Variants in ZNF711 observed in about 807,000 individuals in gnomAD.
ZNF711 encodes ZFX family zinc finger ZNF711, also known as zinc finger protein 711.
In ZNF711, 3 loss-of-function variants were observed where a neutral mutation model predicts 43.5. The ratio of observed to expected loss-of-function variants is 0.07; its 90% CI spans 0.03 to 0.18. The LOEUF (loss-of-function observed/expected upper bound fraction) is 0.18, where lower values mean the gene tolerates loss of function less well. Among genes scored for constraint, ZNF711 ranks in the 10% least tolerant of loss-of-function variants. ZNF711 has a pLI of 1.00. For missense variants in ZNF711, 412 were observed against 604.0 expected, an observed-to-expected ratio of 0.68 and a Z score of 3.33; for synonymous variants, 209 against 207.7, an observed-to-expected ratio of 1.01 and a Z score of -0.06.
At position 85,270,784 on chromosome X, in the gene ZNF711, T is replaced by C; in HGVS notation, c.1380T>C (p.Tyr460=). ...NHPDHLMRKK[Y]QCTDCDFTTN... The stretch of plus-strand genomic sequence containing the variant: ...CTGATCATTTAATGAGAAAAAAATA[T>C]CAGTGTACAGATTGTGACTTTACAA... Residue 460 remains tyrosine, a synonymous_variant, in exon 11 of 11, where the codon TAT becomes TAC. Transcript: ENST00000674551. 2 of 1,203,649 alleles carry C rather than the reference T, an allele frequency of 1.7e-6. No individual in the cohort carries two copies. Among genetic ancestry groups the C allele is most frequent in the East Asian group, 3.0e-5 (1 of 33,439 alleles).
At position 85,271,614 on chromosome X, in the gene ZNF711, TA is replaced by T. The variant is rs1264060719; in HGVS notation, c.2217del (p.Lys739AsnfsTer3). The T allele has an allele frequency of 8.3e-7, 1 of 1,209,973 alleles. No individual in the cohort carries two copies. On this transcript the variant is annotated frameshift_variant, in exon 11 of 11. Coordinates refer to ENST00000674551, the MANE Select transcript of ZNF711 (RefSeq NM_001330574.2). LOFTEE classifies it high-confidence loss of function. The part of the protein sequence containing the change: ...CKRGFRQQNE[L>X]KKHMKTHTGR... The stretch of plus-strand genomic sequence containing the variant: ...AGAGGATTCAGACAACAAAATGAGC[TA>T]AAAAAACATATGAAGACCCATACTG...
intron 7 of ZNF711, among the ~76,000 whole-genome samples, chrX:85,266,338 A>G (rs1206760516): frequency 9.0e-6 from 1 of 111,501 alleles, no homozygotes; most frequent in Non-Finnish European, 1.9e-5. Flanking sequence ...TGATCTCTAA[A>G]TTCTTTATTT....
At chrX:85,270,465 G>A (rs1931487665) in intron 10 of ZNF711, among the ~76,000 whole-genome samples, 186 bp from the exon 11 acceptor site, 1 of 110,964 alleles carries the variant, frequency 9.0e-6, no homozygotes, top group Non-Finnish European at 1.9e-5. Flanking sequence ...GTAGAGTGCT[G>A]CTCATTACTT....
At chrX:85,260,418 A>G (rs1257248865) in intron 5 of ZNF711, among the ~76,000 whole-genome samples, 2 of 111,176 alleles carry the variant, frequency 1.8e-5, no homozygotes, top group Non-Finnish European at 3.8e-5. Flanking sequence ...AAAAGTTAAC[A>G]CCTTTATAAT....
chrX:85,247,533 C>T lies in ZNF711; in HGVS notation c.-26-14C>T. 9.1e-7 allele frequency: 1 copy of T among 1,102,063 alleles called. No homozygotes were observed. Among genetic ancestry groups the T allele is most frequent in the South Asian group, 1.9e-5 (1 of 51,312 alleles). The allele number at this position is 1,102,063 out of a possible 1,213,427, so 90.8% of individuals were successfully genotyped here. A position where few individuals can be genotyped will look rare whatever the true frequency, so the allele number is the denominator to read the frequency against. ...AAATATATTAAACTATTTTAAAAGC[C>T]ATTTCTTTTGCAGATATTGGTGAAT... On this transcript the variant is annotated splice_polypyrimidine_tract_variant and intron_variant, in intron 3 of 10. Transcript: ENST00000674551.
chrX:85,248,161 CTTTTT>C (rs35501637), intron 4 of ZNF711, among the ~76,000 whole-genome samples: 1,022 of 97,514 alleles, frequency 0.01, 8 homozygotes, highest in African/African-American at 0.033. Flanking sequence ...TTTTCTTTCT[CTTTTT>C]TTTTTTTAAA....
chrX:85,253,850 G>A (rs1161708418), intron 4 of ZNF711, among the ~76,000 whole-genome samples: 1 of 109,087 alleles, frequency 9.2e-6, no homozygotes, highest in Non-Finnish European at 1.9e-5. Flanking sequence ...TAGTTTTATT[G>A]TTTTGAGATA....
chrX:85,258,862 G>C (rs1202437611), intron 5 of ZNF711, among the ~76,000 whole-genome samples: 11 of 110,958 alleles, frequency 9.9e-5, no homozygotes, highest in Non-Finnish European at 2.1e-4. Context: ...TAGGTTGTCT[G>C]TTTACTCCGT....
chrX:85,269,612 A>G (rs1461668370), intron 9 of ZNF711, among the ~76,000 whole-genome samples: 1 of 110,601 alleles, frequency 9.0e-6, no homozygotes, highest in Non-Finnish European at 1.9e-5. Context: ...CCTGACCTCA[A>G]GCAGTCCTGC....
rs1930969828 is a variant in ZNF711, at chrX:85,264,906, G to T, written c.779-212G>T. Among the ~76,000 whole-genome samples the T allele has an allele frequency of 3.6e-5, 4 of 111,008 alleles. No homozygotes were observed. In the Admixed American group the frequency reaches 3.8e-4, roughly 11 times the overall value. ...GTATAAAAGACTTATATACTGCTTG[G>T]CATATAAGCTTGATGTAAGGATTAA... On this transcript the variant is annotated intron_variant, in intron 6 of 10. Transcript: ENST00000674551.
chrX:85,271,153 T>C lies in ZNF711; in HGVS notation c.1749T>C (p.Tyr583=), dbSNP rs1328333328. ...HTGEKPYQCQ[Y]CIFRCADQSN... ...GTGAGAAGCCATATCAGTGTCAGTA[T>C]TGTATTTTCAGGTGTGCAGATCAAT... is the stretch of plus-strand genomic sequence containing the variant. The change falls in exon 11 of 11, where the codon TAT becomes TAC. Residue 583 remains tyrosine (Y), a synonymous_variant. Coordinates refer to ENST00000674551, the MANE Select transcript of ZNF711 (RefSeq NM_001330574.2). The C allele has an allele frequency of 1.7e-6, 2 of 1,210,532 alleles. No individual in the cohort carries two copies. The highest frequency in any genetic ancestry group is 2.2e-6 in the Non-Finnish European group (2 of 894,979).
At chrX:85,254,340 C>G (rs1320781809) in intron 4 of ZNF711, among the ~76,000 whole-genome samples, 1,771 of 73,618 alleles carry the variant, frequency 0.024, 45 homozygotes, top group African/African-American at 0.055. Flanking sequence ...CGCGGTGGCT[C>G]ACGCCTGTAA....
At chrX:85,253,796 C>CACACAG (rs1555969905) in intron 4 of ZNF711, among the ~76,000 whole-genome samples, 97 of 109,866 alleles carry the variant, frequency 8.8e-4, no homozygotes, top group African/African-American at 3.2e-3. Flanking sequence ...CACACACACA[C>CACACAG]ACACAGACAC....
At chrX:85,264,199 G>A (rs1026557263) in intron 5 of ZNF711, 76 bp from the exon 6 acceptor site, 17 of 841,543 alleles carry the variant, frequency 2.0e-5, no homozygotes, top group Middle Eastern at 3.7e-4. Context: ...CCACTAAATA[G>A]TGGTAATTTT....
At chrX:85,261,956 G>T (rs1055872872) in intron 5 of ZNF711, among the ~76,000 whole-genome samples, 1 of 110,560 alleles carries the variant, frequency 9.0e-6, no homozygotes, top group South Asian at 3.7e-4. Context: ...TGTTAATTTC[G>T]TACTTTCCAT....
chrX:85,270,580 T>A (rs914496887), intron 10 of ZNF711, 71 bp from the exon 11 acceptor site: 1 of 935,998 alleles, frequency 1.1e-6, no homozygotes, highest in Non-Finnish European at 1.5e-6. Context: ...CAACTAGTTT[T>A]GGCACCTTTG....
chrX:85,248,207 T>A (rs1424290543), intron 4 of ZNF711, among the ~76,000 whole-genome samples: 1 of 106,741 alleles, frequency 9.4e-6, no homozygotes, highest in Non-Finnish European at 1.9e-5. Flanking sequence ...TCGTGGCTCA[T>A]GCCTGTAATC....
chrX:85,251,181 C>G (rs1487410056), intron 4 of ZNF711, among the ~76,000 whole-genome samples: 1 of 110,670 alleles, frequency 9.0e-6, no homozygotes, highest in Non-Finnish European at 1.9e-5. Flanking sequence ...AATAAGAACA[C>G]TGTGGCACAA....
rs370054764 is a variant in ZNF711, at chrX:85,271,177, A to G, written c.1773A>G (p.Gln591=). 11 of 1,208,188 alleles carry G rather than the reference A, an allele frequency of 9.1e-6. No individual in the cohort carries two copies. Among genetic ancestry groups the G allele is most frequent in the African/African-American group, 5.3e-5 (3 of 57,067 alleles). ...ATTGTATTTTCAGGTGTGCAGATCA[A>G]TCAAATCTGAAAACTCACATTAAGT... is the stretch of plus-strand genomic sequence containing the variant. ...CQYCIFRCAD[Q]SNLKTHIKSK... is the part of the protein sequence containing the mutation. The change falls in exon 11 of 11, where the codon CAA becomes CAG. Residue 591 remains glutamine (Q), a synonymous_variant. Coordinates refer to ENST00000674551, the MANE Select transcript of ZNF711 (RefSeq NM_001330574.2).
Sources: allele counts gnomAD v4.1 joint callset (sites outside exome capture counted in the v4.1 genomes callset), GRCh38; gene constraint gnomAD v4.1.1; transcripts MANE v1.5; gene names NCBI Gene and HGNC (gene_info 2026-07-23, HGNC 2026-07-21).